Variants in PRKCH observed in about 807,000 individuals in gnomAD.
PRKCH encodes protein kinase C eta.
A neutral mutation model predicts 82.5 loss-of-function variants in PRKCH; 28 were observed. The observed-to-expected ratio is 0.34, with a 90% CI of 0.25 to 0.47. The LOEUF is 0.47. PRKCH is among the 20% of genes least tolerant of loss of function. PRKCH has a pLI of 1.00. For missense variants in PRKCH, 705 were observed against 881.8 expected (o/e 0.80, Z 2.54); for synonymous variants, 322 against 327.4 (o/e 0.98, Z 0.18).
chr14:61,322,513 C>T (rs1301468253), intron 1 of PRKCH, 49 bp downstream of exon 1: 3 of 1,543,860 alleles, frequency 1.9e-6, no homozygotes, highest in Non-Finnish European at 1.7e-6. Context: ...CCCCCGTTCC[C>T]CTTATGTTTT....
intron 10 of PRKCH, among the ~76,000 whole-genome samples, chr14:61,507,930 T>TTG (rs1460972703): frequency 1.3e-5 from 2 of 152,112 alleles, no homozygotes; most frequent in South Asian, 4.1e-4. Context: ...TTAAGTGCTC[T>TTG]TATCACCAAG....
chr14:61,364,048 T>A (rs941832859), intron 1 of PRKCH, among the ~76,000 whole-genome samples: 2 of 147,558 alleles, frequency 1.4e-5, no homozygotes, highest in African/African-American at 2.5e-5. Flanking sequence ...TATATATATA[T>A]ATATTTGTGT....
At chr14:61,331,652 G>A (rs1034453019) in intron 1 of PRKCH, among the ~76,000 whole-genome samples, 4 of 152,216 alleles carry the variant, frequency 2.6e-5, no homozygotes, top group Non-Finnish European at 5.9e-5. Context: ...TTAGGCAAGC[G>A]TCTGCTTATC....
At chr14:61,212,312 T>C (rs1459853544) in intron 1 of PRKCH, among the ~76,000 whole-genome samples, 4 of 152,234 alleles carry the variant, frequency 2.6e-5, no homozygotes, top group African/African-American at 9.6e-5. Context: ...GGATGGACTT[T>C]CCTGTTGCAG....
chr14:61,507,913 G>A (rs1298125047), intron 10 of PRKCH, among the ~76,000 whole-genome samples: 1 of 151,978 alleles, frequency 6.6e-6, no homozygotes, highest in Admixed American at 6.6e-5. Flanking sequence ...TGCTAAGAGA[G>A]TACATCTTAA....
At chr14:61,363,077 A>G (rs1434006024) in intron 1 of PRKCH, among the ~76,000 whole-genome samples, 1 of 152,202 alleles carries the variant, frequency 6.6e-6, no homozygotes, top group African/African-American at 2.4e-5. Flanking sequence ...GAACAGCATG[A>G]GTGTCAGTGC....
chr14:61,219,491 A>G (rs1044997744), intron 1 of PRKCH, among the ~76,000 whole-genome samples: 1 of 152,138 alleles, frequency 6.6e-6, no homozygotes, highest in Non-Finnish European at 1.5e-5. Flanking sequence ...CTTTAATACC[A>G]GTTTTCTGTC....
At chr14:61,477,349 A>C (rs901219623) in intron 9 of PRKCH, 5 of 152,228 alleles carry the variant, frequency 3.3e-5, no homozygotes, top group African/African-American at 1.2e-4. Context: ...TTATTTCCAA[A>C]AGGTAATCTG....
At chr14:61,536,148 C>T (rs1038165146) in intron 12 of PRKCH, among the ~76,000 whole-genome samples, 4 of 150,996 alleles carry the variant, frequency 2.6e-5, no homozygotes, top group Admixed American at 6.6e-5. Context: ...AATCCAGTCT[C>T]GGGTTCCTGG....
At chr14:61,251,878 C>T (rs1023939804) in intron 1 of PRKCH, among the ~76,000 whole-genome samples, 19 of 151,892 alleles carry the variant, frequency 1.3e-4, no homozygotes, top group Admixed American at 1.1e-3. Context: ...TTCGCTCTGT[C>T]GCCCAGGCTG....
At chr14:61,528,153 C>CACACACACACACA (rs2042993283) in intron 10 of PRKCH, 1 of 145,994 alleles carries the variant, frequency 6.8e-6, no homozygotes, top group East Asian at 2.3e-4. Context: ...ATTTGTTTTA[C>CACACACACACACA]ACACACACAC....
chr14:61,406,849 C>T (rs1337902972), intron 2 of PRKCH, among the ~76,000 whole-genome samples: 4 of 152,022 alleles, frequency 2.6e-5, no homozygotes, highest in African/African-American at 9.7e-5. Context: ...TCAGTTTTTC[C>T]AGTAGACAGG....
At chr14:61,457,035 G>A (rs1057381730) in intron 7 of PRKCH, 141 bp from the exon 8 acceptor site, 17 of 860,566 alleles carry the variant, frequency 2.0e-5, no homozygotes, top group African/African-American at 6.9e-5. Context: ...TGGCAGAACC[G>A]ATCATCTGTC....
chr14:61,492,457 T>A (rs1275445635), intron 10 of PRKCH: 1 of 152,248 alleles, frequency 6.6e-6, no homozygotes, highest in Non-Finnish European at 1.5e-5. Flanking sequence ...CCAAAAATTG[T>A]TTCTCATAGT....
At chr14:61,315,716 A>G (rs530292557) in intron 1 of PRKCH, among the ~76,000 whole-genome samples, 1 of 147,778 alleles carries the variant, frequency 6.8e-6, no homozygotes, top group African/African-American at 2.5e-5. Context: ...TAGCATATTT[A>G]TATTTCTTAC....
intron 1 of PRKCH, among the ~76,000 whole-genome samples, chr14:61,248,192 G>T (rs1019457509): frequency 2.0e-5 from 3 of 151,972 alleles, no homozygotes; most frequent in Non-Finnish European, 4.4e-5. Context: ...GTGTTCTCTA[G>T]CACTCCTGTC....
At chr14:61,271,433 G>A (rs977237325) in intron 1 of PRKCH, among the ~76,000 whole-genome samples, 1 of 152,036 alleles carries the variant, frequency 6.6e-6, no homozygotes, top group Non-Finnish European at 1.5e-5. Flanking sequence ...TCTTTTTCAG[G>A]GCTGTCTTGA....
At chr14:61,312,749 G>A (rs2045534723) in intron 1 of PRKCH, among the ~76,000 whole-genome samples, 1 of 151,914 alleles carries the variant, frequency 6.6e-6, no homozygotes, top group African/African-American at 2.4e-5. Context: ...AGAACAGCAT[G>A]GGAAAACCTT....
intron 12 of PRKCH, among the ~76,000 whole-genome samples, chr14:61,545,459 G>C (rs2043243746): frequency 6.6e-6 from 1 of 152,144 alleles, no homozygotes; most frequent in Non-Finnish European, 1.5e-5. Flanking sequence ...TTTGTCATCT[G>C]CGTATCCCCA....
Sources: gnomAD v4.1 joint callset for allele counts (sites outside exome capture counted in the v4.1 genomes callset) on GRCh38, gnomAD v4.1.1 for gene constraint, MANE v1.5 for transcripts, NCBI Gene and HGNC (gene_info 2026-07-23, HGNC 2026-07-21) for gene names.